The following TYW1 variants were observed in gnomAD, a reference collection of about 807,000 sequenced individuals.
The protein encoded by TYW1 is S-adenosyl-L-methionine-dependent tRNA 4-demethylwyosine synthase TYW1.
A neutral mutation model predicts 96.2 loss-of-function variants in TYW1; 46 were observed. The ratio of observed to expected loss-of-function variants is 0.48; its 90% confidence interval spans 0.38 to 0.61. TYW1 has a LOEUF of 0.61. TYW1 is among the 20% of genes least tolerant of loss of function. TYW1 has a pLI of 0.00. For synonymous variants in TYW1, 274 were observed against 323.0 expected, an observed-to-expected ratio of 0.85 and a Z score of 1.63; for missense variants, 684 against 909.6, an observed-to-expected ratio of 0.75 and a Z score of 3.19.
chr7:67,142,177 C>G (rs947256523), intron 13 of TYW1, among the ~76,000 whole-genome samples: 5 of 151,890 alleles, frequency 3.3e-5, no homozygotes, highest in African/African-American at 1.2e-4. Flanking sequence ...TTCTCAGCAG[C>G]CTTGAACCCC....
intron 13 of TYW1, among the ~76,000 whole-genome samples, chr7:67,166,075 C>G (rs1299594466): frequency 6.6e-6 from 1 of 151,700 alleles, no homozygotes; most frequent in East Asian, 1.9e-4. Flanking sequence ...TCCATCTCTA[C>G]AAAAAAATTA....
chr7:67,092,250 C>T (rs1475666562), intron 11 of TYW1, among the ~76,000 whole-genome samples: 3 of 152,048 alleles, frequency 2.0e-5, no homozygotes, highest in Non-Finnish European at 2.9e-5. Context: ...TATCGTGCCA[C>T]CTCCAGTGTC....
At chr7:67,150,002 A>G (rs1798747948) in intron 13 of TYW1, among the ~76,000 whole-genome samples, 1 of 151,786 alleles carries the variant, frequency 6.6e-6, no homozygotes, top group Non-Finnish European at 1.5e-5. Flanking sequence ...CTCCTGGCTT[A>G]TGAAAGCAAA....
At chr7:67,118,153 C>A (rs1797653812) in intron 13 of TYW1, among the ~76,000 whole-genome samples, 1 of 151,788 alleles carries the variant, frequency 6.6e-6, no homozygotes. Context: ...GGTCAGACCT[C>A]ATCTCTACTA....
chr7:67,231,090 C>T (rs1346540283), intron 15 of TYW1, among the ~76,000 whole-genome samples: 6 of 152,100 alleles, frequency 3.9e-5, no homozygotes, highest in African/African-American at 9.7e-5. Context: ...ATTATAACCA[C>T]GTGAACACTG....
At position 67,044,111 on chromosome 7, in the gene TYW1, G is replaced by GTTTT. The variant is rs201692947; in HGVS notation, c.985-5822_985-5819dup. ...CATGTATAATTAAGCATGAATAAGA[G>GTTTT]TTTTTTTTTTTTTTTTTTTGAGATG... is the stretch of plus-strand genomic sequence containing the variant. On this transcript the variant is annotated intron_variant, in intron 7 of 15. Coordinates refer to ENST00000359626, the MANE Select transcript of TYW1 (RefSeq NM_018264.4). 9.6e-5 allele frequency among the ~76,000 whole-genome samples: 12 copies of GTTTT among 124,588 alleles called. 1 individual carries two copies. Among genetic ancestry groups the GTTTT allele is most frequent in the Non-Finnish European group, 1.2e-4 (7 of 59,630 alleles). 81.7% of individuals were successfully genotyped at this position (124,588 alleles called of 152,430 possible). A position where few individuals can be genotyped will look rare whatever the true frequency, so the allele number is the denominator to read the frequency against.
At chr7:67,209,920 T>C (rs527641215) in intron 15 of TYW1, among the ~76,000 whole-genome samples, 1 of 152,328 alleles carries the variant, frequency 6.6e-6, no homozygotes, top group African/African-American at 2.4e-5. Context: ...GTTTTTGATT[T>C]ACAGAAAAAT....
chr7:67,095,296 A>G (rs147782019), intron 11 of TYW1, among the ~76,000 whole-genome samples: 5,136 of 151,896 alleles, frequency 0.034, 260 homozygotes, highest in African/African-American at 0.12. Context: ...GCCGTGCCCA[A>G]CCGAACTGCA....
At chr7:67,115,135 C>T (rs1797554878) in intron 12 of TYW1, among the ~76,000 whole-genome samples, 1 of 151,810 alleles carries the variant, frequency 6.6e-6, no homozygotes, top group Non-Finnish European at 1.5e-5. Flanking sequence ...GTTATGGAAG[C>T]ATACTGAAAA....
intron 12 of TYW1, among the ~76,000 whole-genome samples, chr7:67,099,180 C>T (rs1352611927): frequency 6.6e-6 from 1 of 152,006 alleles, no homozygotes; most frequent in Non-Finnish European, 1.5e-5. Context: ...CGCCTGGCAC[C>T]ATGCCCAGCT....
intron 7 of TYW1, among the ~76,000 whole-genome samples, chr7:67,049,007 C>G (rs568656721): frequency 7.5e-4 from 114 of 152,304 alleles, no homozygotes; most frequent in African/African-American, 2.6e-3. Flanking sequence ...AAGCGAGACT[C>G]TGTTTCAAAA....
intron 9 of TYW1, among the ~76,000 whole-genome samples, chr7:67,057,741 T>G (rs1395441400): frequency 1.3e-5 from 2 of 152,192 alleles, no homozygotes; most frequent in African/African-American, 4.8e-5. Flanking sequence ...TTGTTCAAAC[T>G]TGGTTGTTTG....
intron 4 of TYW1, among the ~76,000 whole-genome samples, chr7:67,012,483 C>G (rs925062924): frequency 6.6e-6 from 1 of 152,158 alleles, no homozygotes; most frequent in East Asian, 1.9e-4. Context: ...CTGGTGTGCA[C>G]ATGAGTGAGC....
At chr7:67,035,966 T>C (rs925553380) in intron 7 of TYW1, among the ~76,000 whole-genome samples, 2 of 150,758 alleles carry the variant, frequency 1.3e-5, no homozygotes, top group Non-Finnish European at 3.0e-5. Context: ...CGTGAGCCAC[T>C]GTGCCCGGCC....
chr7:67,132,550 T>C (rs2116062104), intron 13 of TYW1, among the ~76,000 whole-genome samples: 1 of 152,342 alleles, frequency 6.6e-6, no homozygotes, highest in African/African-American at 2.4e-5. Flanking sequence ...TTGACCATTT[T>C]TTTAAAATAA....
At chr7:67,200,385 A>G (rs899713899) in intron 15 of TYW1, among the ~76,000 whole-genome samples, 1 of 152,156 alleles carries the variant, frequency 6.6e-6, no homozygotes, top group Non-Finnish European at 1.5e-5. Context: ...ACAGTTCCAC[A>G]TGGCTGGGGA....
chr7:67,157,756 T>A (rs1799030450), intron 13 of TYW1, among the ~76,000 whole-genome samples: 1 of 152,232 alleles, frequency 6.6e-6, no homozygotes. Context: ...ACTTCCCTTG[T>A]CTTTGATACC....
At chr7:67,160,521 T>TCTATAC (rs1336854549) in intron 13 of TYW1, among the ~76,000 whole-genome samples, 4 of 136,368 alleles carry the variant, frequency 2.9e-5, no homozygotes, top group Non-Finnish European at 4.6e-5. Flanking sequence ...TTAAGGTATG[T>TCTATAC]GTATACATAT....
chr7:67,162,014 G>T (rs1024133489), intron 13 of TYW1, among the ~76,000 whole-genome samples: 7 of 152,024 alleles, frequency 4.6e-5, no homozygotes, highest in African/African-American at 1.7e-4. Flanking sequence ...AAAACATTCT[G>T]GACCGGGCGC....
Sources: allele counts gnomAD v4.1 joint callset (sites outside exome capture counted in the v4.1 genomes callset), GRCh38; gene constraint gnomAD v4.1.1; transcripts MANE v1.5; gene names NCBI Gene and HGNC (gene_info 2026-07-23, HGNC 2026-07-21).